Variants in CNTNAP2 observed in about 807,000 individuals in gnomAD.
The protein encoded by CNTNAP2 is contactin-associated protein-like 2.
In CNTNAP2, 98 loss-of-function variants were observed where a neutral mutation model predicts 155.2. The ratio of observed to expected loss-of-function variants is 0.63; its 90% CI spans 0.54 to 0.75. CNTNAP2 has a LOEUF of 0.75. Among genes scored for constraint, CNTNAP2 ranks in the 30% least tolerant of loss-of-function variants. The pLI is 0.00. For synonymous variants in CNTNAP2, 651 were observed against 631.2 expected, an observed-to-expected ratio of 1.03 and a Z score of -0.47; for missense variants, 1,727 against 1,688.1, an observed-to-expected ratio of 1.02 and a Z score of -0.40.
At chr7:146,278,811 G>C (rs1584844100) in intron 1 of CNTNAP2, among the ~76,000 whole-genome samples, 2 of 152,068 alleles carry the variant, frequency 1.3e-5, no homozygotes, top group East Asian at 3.8e-4. Flanking sequence ...TTTCTGGTTG[G>C]AGCCCACTTT....
intron 14 of CNTNAP2, among the ~76,000 whole-genome samples, chr7:147,912,332 A>T (rs995276777): frequency 1.3e-5 from 2 of 152,166 alleles, no homozygotes; most frequent in Non-Finnish European, 2.9e-5. Context: ...TTCAGTATTC[A>T]AAAACAACTC....
intron 1 of CNTNAP2, among the ~76,000 whole-genome samples, chr7:146,231,947 T>C (rs1241521440): frequency 6.6e-6 from 1 of 152,152 alleles, no homozygotes; most frequent in Non-Finnish European, 1.5e-5. Flanking sequence ...GCAAACACAT[T>C]TTTTTTCTAA....
At chr7:148,267,979 C>T (rs1376625329) in intron 21 of CNTNAP2, among the ~76,000 whole-genome samples, 1 of 152,174 alleles carries the variant, frequency 6.6e-6, no homozygotes, top group Non-Finnish European at 1.5e-5. Context: ...TGACAGAACA[C>T]CCTTCCCCAT....
intron 1 of CNTNAP2, among the ~76,000 whole-genome samples, chr7:146,392,357 C>A (rs1795557024): frequency 6.7e-6 from 1 of 149,892 alleles, no homozygotes; most frequent in African/African-American, 2.5e-5. Context: ...GTTTCACAAA[C>A]AAATAAAAAA....
chr7:148,364,920 C>G (rs868413730), intron 21 of CNTNAP2, among the ~76,000 whole-genome samples: 28 of 152,186 alleles, frequency 1.8e-4, no homozygotes, highest in South Asian at 6.2e-4. Context: ...TAACACTCAC[C>G]GCGAAGGTCT....
chr7:147,401,706 T>C (rs570594853), intron 10 of CNTNAP2, among the ~76,000 whole-genome samples: 1 of 152,280 alleles, frequency 6.6e-6, no homozygotes, highest in Non-Finnish European at 1.5e-5. Flanking sequence ...ACCGTTCTCA[T>C]GATAGTGAGT....
At chr7:148,017,698 A>G (rs1030256085) in intron 15 of CNTNAP2, among the ~76,000 whole-genome samples, 1 of 152,254 alleles carries the variant, frequency 6.6e-6, no homozygotes, top group East Asian at 1.9e-4. Context: ...CGTATGGTCA[A>G]GATCTTCCGC....
At chr7:148,381,023 C>T (rs940859373) in intron 21 of CNTNAP2, among the ~76,000 whole-genome samples, 1 of 152,210 alleles carries the variant, frequency 6.6e-6, no homozygotes, top group Non-Finnish European at 1.5e-5. Flanking sequence ...TCACTTGGAC[C>T]CACTGTGCTC....
At chr7:148,233,246 C>T (rs1795992900) in intron 20 of CNTNAP2, among the ~76,000 whole-genome samples, 1 of 152,208 alleles carries the variant, frequency 6.6e-6, no homozygotes, top group Non-Finnish European at 1.5e-5. Context: ...TCCTTTCCTT[C>T]CTTCCGTCTT....
chr7:147,864,946 A>G (rs9768508), intron 13 of CNTNAP2, among the ~76,000 whole-genome samples: 89,645 of 151,296 alleles, frequency 0.59, 26,785 homozygotes, highest in South Asian at 0.7. Context: ...TGCCCTGGCC[A>G]TAATTCCCAA....
At chr7:146,596,545 G>C (rs1346007674) in intron 1 of CNTNAP2, among the ~76,000 whole-genome samples, 3 of 149,504 alleles carry the variant, frequency 2.0e-5, no homozygotes, top group African/African-American at 7.4e-5. Flanking sequence ...AAGAATTTTT[G>C]GCCACATTCA....
At position 146,339,232 on chromosome 7, in the gene CNTNAP2, TGTGTACATATGTACACATATGC is replaced by T. The variant is rs577278477; in HGVS notation, c.97+222269_97+222290del. Among the ~76,000 whole-genome samples the T allele has an allele frequency of 1.6e-3, 247 of 152,316 alleles. 2 individuals carry two copies. Among genetic ancestry groups the T allele is most frequent in the African/African-American group, 5.7e-3 (239 of 41,576 alleles). On this transcript the variant is annotated intron_variant, in intron 1 of 23. Transcript: ENST00000361727. ...CTCCATAGAATCTAGTATAATGCTA[TGTGTACATATGTACACATATGC>T]GTGTACATACGTGCATGCACACACA...
intron 21 of CNTNAP2, among the ~76,000 whole-genome samples, chr7:148,359,213 T>C (rs1175577339): frequency 3.3e-5 from 5 of 152,206 alleles, no homozygotes; most frequent in Non-Finnish European, 5.9e-5. Context: ...CTCTGCCATC[T>C]AGGTTTGTGG....
intron 1 of CNTNAP2, among the ~76,000 whole-genome samples, chr7:146,644,914 T>G (rs566148064): frequency 7.9e-5 from 12 of 152,150 alleles, no homozygotes; most frequent in Admixed American, 1.3e-4. Flanking sequence ...AAGGAGGAAC[T>G]GGTACCATTC....
chr7:148,225,661 A>C (rs1435212496), intron 19 of CNTNAP2, among the ~76,000 whole-genome samples: 1 of 152,166 alleles, frequency 6.6e-6, no homozygotes, highest in Non-Finnish European at 1.5e-5. Flanking sequence ...GCCCAGTGGG[A>C]TCAGGGAAGG....
intron 13 of CNTNAP2, among the ~76,000 whole-genome samples, chr7:147,699,039 T>C (rs1563057111): frequency 6.6e-6 from 1 of 152,062 alleles, no homozygotes; most frequent in African/African-American, 2.4e-5. Flanking sequence ...AAGAACTTGA[T>C]AAATTTGACT....
chr7:146,210,806 G>C (rs1186552116), intron 1 of CNTNAP2, among the ~76,000 whole-genome samples: 1 of 151,850 alleles, frequency 6.6e-6, no homozygotes, highest in Non-Finnish European at 1.5e-5. Context: ...ACTGTGAATG[G>C]GTTGTCGGGT....
chr7:147,842,130 T>C (rs1221787364), intron 13 of CNTNAP2, among the ~76,000 whole-genome samples: 1 of 152,230 alleles, frequency 6.6e-6, no homozygotes, highest in East Asian at 1.9e-4. Flanking sequence ...CATTTGCTCT[T>C]CACAACCACA....
chr7:147,242,403 G>A (rs902669640), intron 8 of CNTNAP2, among the ~76,000 whole-genome samples: 6 of 152,068 alleles, frequency 3.9e-5, no homozygotes, highest in Admixed American at 6.5e-5. Context: ...AGTAGTACCC[G>A]CTTCTTCTTT....
Sources: gnomAD v4.1 joint callset for allele counts (sites outside exome capture counted in the v4.1 genomes callset) on GRCh38, gnomAD v4.1.1 for gene constraint, MANE v1.5 for transcripts, NCBI Gene and HGNC (gene_info 2026-07-23, HGNC 2026-07-21) for gene names.